The following BAZ1A variants were observed in gnomAD, a reference collection of about 807,000 sequenced individuals.
The protein encoded by BAZ1A is bromodomain adjacent to zinc finger domain protein 1A.
In BAZ1A, 50 loss-of-function variants were observed where a neutral mutation model predicts 185.2. The observed-to-expected ratio is 0.27, with a 90% CI of 0.22 to 0.34. The LOEUF (loss-of-function observed/expected upper bound fraction) is 0.34, where lower values mean the gene tolerates loss of function less well. Ranked by LOEUF, BAZ1A falls within the 10% of genes least tolerant of loss-of-function variation. The pLI is 1.00. For missense variants in BAZ1A, 1,356 were observed against 1,839.9 expected (o/e 0.74, Z 4.81); for synonymous variants, 571 against 615.6 (o/e 0.93, Z 1.07).
intron 5 of BAZ1A, among the ~76,000 whole-genome samples, chr14:34,808,497 C>CA (rs1294734173): frequency 6.6e-6 from 1 of 151,168 alleles, no homozygotes. Flanking sequence ...GACTCTGTCT[C>CA]AAAAAAACAA....
chr14:34,846,291 G>A (rs906513776), intron 3 of BAZ1A, among the ~76,000 whole-genome samples: 16 of 152,220 alleles, frequency 1.1e-4, no homozygotes, highest in African/African-American at 3.4e-4. Flanking sequence ...AGTAATGACC[G>A]TAAGTCCTGG....
At chr14:34,777,979 C>T (rs201240585) in intron 17 of BAZ1A, among the ~76,000 whole-genome samples, 40 of 152,050 alleles carry the variant, frequency 2.6e-4, no homozygotes, top group African/African-American at 8.2e-4. Flanking sequence ...GGTGACAGAG[C>T]GAGACTCCAC....
chr14:34,754,080 C>A (rs1226229310), intron 26 of BAZ1A, among the ~76,000 whole-genome samples: 2 of 150,798 alleles, frequency 1.3e-5, no homozygotes, highest in African/African-American at 4.9e-5. Flanking sequence ...TGGTGAAACC[C>A]CATCTCTACT....
At chr14:34,825,584 ATTGT>A (rs1249900776) in intron 4 of BAZ1A, among the ~76,000 whole-genome samples, 13 of 151,820 alleles carry the variant, frequency 8.6e-5, no homozygotes, top group African/African-American at 3.1e-4. Context: ...GTTGAACTAG[ATTGT>A]TTAGATGGGT....
At chr14:34,872,740 A>G (rs1262912259) in intron 2 of BAZ1A, among the ~76,000 whole-genome samples, 2 of 152,162 alleles carry the variant, frequency 1.3e-5, no homozygotes, top group African/African-American at 4.8e-5. Context: ...TTTAATTCAC[A>G]AAGGATAACA....
rs2138670454 is a variant in BAZ1A, at chr14:34,807,860, C to T, written c.639-322G>A. 1.3e-5 allele frequency among the ~76,000 whole-genome samples: 2 copies of T among 152,200 alleles called. 1 individual carries two copies. Among genetic ancestry groups the T allele is most frequent in the South Asian group, 4.1e-4 (2 of 4,820 alleles). ...GTGGCTCACGCCTGTAATCCCAGCA[C>T]TTTGCGAGGCCGAGGCGGGTGGATG... is the stretch of plus-strand genomic sequence containing the variant. On this transcript the variant is annotated intron_variant, in intron 5 of 26. Transcript: ENST00000360310.
At chr14:34,775,589 A>G (rs1879544564) in intron 18 of BAZ1A, among the ~76,000 whole-genome samples, 1 of 152,198 alleles carries the variant, frequency 6.6e-6, no homozygotes, top group South Asian at 2.1e-4. Context: ...ACTCACCATA[A>G]TCTGTCCAAA....
At chr14:34,803,647 A>G (rs1187594548) in intron 6 of BAZ1A, among the ~76,000 whole-genome samples, 2 of 149,760 alleles carry the variant, frequency 1.3e-5, no homozygotes, top group Non-Finnish European at 3.0e-5. Context: ...TAAATGAATC[A>G]ATCTATGTAA....
chr14:34,867,055 C>T (rs773050572), intron 2 of BAZ1A, among the ~76,000 whole-genome samples: 1 of 151,530 alleles, frequency 6.6e-6, no homozygotes, highest in Non-Finnish European at 1.5e-5. Flanking sequence ...GTCAGGAGAT[C>T]GAGCACATGC....
At chr14:34,788,941 C>G (rs1880671829) in intron 12 of BAZ1A, among the ~76,000 whole-genome samples, 1 of 152,142 alleles carries the variant, frequency 6.6e-6, no homozygotes, top group African/African-American at 2.4e-5. Context: ...AAAAAGGCAG[C>G]TCTGGGATCG....
At chr14:34,869,315 T>C (rs28686888) in intron 2 of BAZ1A, among the ~76,000 whole-genome samples, 32,923 of 152,148 alleles carry the variant, frequency 0.22, 3,753 homozygotes, top group Middle Eastern at 0.31. Context: ...TTCTTATTGT[T>C]CAGGTACCAC....
At chr14:34,773,062 A>G (rs781644043) in intron 20 of BAZ1A, among the ~76,000 whole-genome samples, 9 of 151,976 alleles carry the variant, frequency 5.9e-5, no homozygotes, top group Non-Finnish European at 1.3e-4. Context: ...AACCAAGTGC[A>G]TGCCACCATG....
chr14:34,844,626 T>A (rs147446490), intron 3 of BAZ1A, among the ~76,000 whole-genome samples: 1,810 of 146,378 alleles, frequency 0.012, 41 homozygotes, highest in African/African-American at 0.042. Context: ...AAAAAAAAAA[T>A]TAAAAATTAG....
At position 34,795,822 on chromosome 14, in the gene BAZ1A, G is replaced by A. The variant is rs141457934; in HGVS notation, c.1129-57C>T. On this transcript the variant is annotated intron_variant, in intron 9 of 26. Transcript: ENST00000360310. ...TGTAAGAAATTTATATGGCAGCATC[G>A]GCATCTCCTGAGAACTTGTTAGAAA... 7.6e-4 allele frequency: 990 copies of A among 1,303,670 alleles called. 12 individuals are homozygous for A. In the East Asian group the frequency reaches 0.018, roughly 24 times the overall value. The allele number at this position is 1,303,670 out of a possible 1,614,324, so 80.8% of individuals were successfully genotyped here. A position where few individuals can be genotyped will look rare whatever the true frequency, so the allele number is the denominator to read the frequency against.
chr14:34,794,609 A>C, intron 11 of BAZ1A, 140 bp downstream of exon 11: 2 of 757,490 alleles, frequency 2.6e-6, no homozygotes, highest in Non-Finnish European at 4.1e-6. Context: ...GTGTGAGAAG[A>C]AGCCATTTTG....
At chr14:34,777,644 C>CA (rs58853458) in intron 17 of BAZ1A, among the ~76,000 whole-genome samples, 66,151 of 125,614 alleles carry the variant, frequency 0.53, 16,097 homozygotes, top group South Asian at 0.58. Context: ...ACTCTGTCTC[C>CA]AAAAAAAAAA....
At chr14:34,791,046 C>T (rs1241590570) in intron 12 of BAZ1A, among the ~76,000 whole-genome samples, 4 of 151,926 alleles carry the variant, frequency 2.6e-5, no homozygotes, top group Admixed American at 1.3e-4. Flanking sequence ...CGCTTGAACC[C>T]GGGAGGCGGA....
chr14:34,863,157 T>TAA (rs2042799591), intron 2 of BAZ1A, among the ~76,000 whole-genome samples: 1 of 99,002 alleles, frequency 1.0e-5, no homozygotes, highest in African/African-American at 4.3e-5. Flanking sequence ...CTCGGCTTTT[T>TAA]TTTTTTTTTT....
intron 23 of BAZ1A, among the ~76,000 whole-genome samples, chr14:34,762,682 C>T (rs552126774): frequency 2.0e-5 from 3 of 152,196 alleles, no homozygotes; most frequent in South Asian, 4.1e-4. Flanking sequence ...GTTGCCCAGG[C>T]TGGTCTCAAA....
Sources: allele counts gnomAD v4.1 joint callset (sites outside exome capture counted in the v4.1 genomes callset), GRCh38; gene constraint gnomAD v4.1.1; transcripts MANE v1.5; gene names NCBI Gene and HGNC (gene_info 2026-07-23, HGNC 2026-07-21).